Variants in PLEKHA8 observed in about 807,000 individuals in gnomAD.
The protein encoded by PLEKHA8 is pleckstrin homology domain-containing family A member 8.
Under a neutral mutation model 68.2 loss-of-function variants are expected in PLEKHA8, and 36 were observed. The observed-to-expected ratio is 0.53, with a 90% CI of 0.40 to 0.70. PLEKHA8 has a LOEUF of 0.70. Ranked by LOEUF, PLEKHA8 falls within the 30% of genes least tolerant of loss-of-function variation. PLEKHA8 has a pLI of 0.00. For synonymous variants in PLEKHA8, 211 were observed against 216.1 expected (o/e 0.98, Z 0.20); for missense variants, 505 against 615.4 (o/e 0.82, Z 1.90).
chr7:30,118,506 T>C (rs1289417646), intron 13 of PLEKHA8, among the ~76,000 whole-genome samples: 2 of 151,864 alleles, frequency 1.3e-5, no homozygotes, highest in South Asian at 2.1e-4. Context: ...CTGAAAGCCA[T>C]TGGGATCTTT....
At chr7:30,100,967 A>T (rs1481789620) in intron 13 of PLEKHA8, among the ~76,000 whole-genome samples, 1 of 152,194 alleles carries the variant, frequency 6.6e-6, no homozygotes, top group Non-Finnish European at 1.5e-5. Flanking sequence ...GGGTGGGCAG[A>T]TCACCTGAGG....
chr7:30,029,791 A>G (rs10951256), intron 1 of PLEKHA8, among the ~76,000 whole-genome samples: 20,440 of 152,138 alleles, frequency 0.13, 1,431 homozygotes, highest in Middle Eastern at 0.19. Context: ...GTAGTATGGT[A>G]ATGCGCCGGG....
At chr7:30,074,260 G>GTC (rs1373674410) in intron 13 of PLEKHA8, 128 bp downstream of exon 13, 360 of 672,146 alleles carry the variant, frequency 5.4e-4, no homozygotes, top group African/African-American at 3.8e-3. Context: ...GTGTGTGTGT[G>GTC]TGTGTGTGTG....
chr7:30,099,416 A>C (rs1046944370), intron 13 of PLEKHA8, among the ~76,000 whole-genome samples: 2 of 152,220 alleles, frequency 1.3e-5, no homozygotes, highest in Non-Finnish European at 2.9e-5. Flanking sequence ...CAGGTTCTCT[A>C]AGAAGTATAA....
intron 13 of PLEKHA8, among the ~76,000 whole-genome samples, chr7:30,075,538 T>C (rs1794556736): frequency 6.6e-6 from 1 of 152,202 alleles, no homozygotes; most frequent in African/African-American, 2.4e-5. Flanking sequence ...AGATCTGTTA[T>C]CTCCAAGGTG....
chr7:30,129,490 A>G, downstream of PLEKHA8: 2 of 687,954 alleles, frequency 2.9e-6, no homozygotes, highest in Non-Finnish European at 2.4e-6. Flanking sequence ...CAAGATTTTT[A>G]TTATCAGATG....
At chr7:30,110,723 A>C (rs75788136) in intron 13 of PLEKHA8, among the ~76,000 whole-genome samples, 2,882 of 152,264 alleles carry the variant, frequency 0.019, 42 homozygotes, top group East Asian at 0.041. Flanking sequence ...TTTTTAATAT[A>C]GCCATCCTAG....
At chr7:30,118,987 G>A (rs925102636) in intron 13 of PLEKHA8, among the ~76,000 whole-genome samples, 2 of 152,182 alleles carry the variant, frequency 1.3e-5, no homozygotes, top group African/African-American at 4.8e-5. Flanking sequence ...GCCCACTTAA[G>A]TCCCATGTCT....
chr7:30,123,060 T>C lies in PLEKHA8; in HGVS notation c.1363-6206T>C, dbSNP rs571313528. 5.9e-5 allele frequency among the ~76,000 whole-genome samples: 9 copies of C among 152,276 alleles called. No individual in the cohort carries two copies. In the South Asian group the frequency reaches 1.0e-3, roughly 18 times the overall value. ...AGCTAGCTTGAATGAGTTCCTGTTATTGACAACCAGAAGACCATTGACTAA... is the reference window on the plus strand; with the variant it reads ...AGCTAGCTTGAATGAGTTCCTGTTACTGACAACCAGAAGACCATTGACTAA... On this transcript the variant is annotated intron_variant, in intron 13 of 13. Transcript: ENST00000396257.
intron 1 of PLEKHA8, among the ~76,000 whole-genome samples, chr7:30,035,050 T>C (rs577383697): frequency 6.6e-6 from 1 of 152,328 alleles, no homozygotes; most frequent in East Asian, 1.9e-4. Context: ...TACAGCTTTT[T>C]TTTTTCACAT....
intron 13 of PLEKHA8, among the ~76,000 whole-genome samples, chr7:30,109,881 G>C (rs1426416174): frequency 6.6e-6 from 1 of 151,528 alleles, no homozygotes; most frequent in African/African-American, 2.4e-5. Flanking sequence ...CACCCAGGTT[G>C]GTCTCAAACT....
intron 1 of PLEKHA8, among the ~76,000 whole-genome samples, chr7:30,043,627 C>T (rs1791710140): frequency 6.6e-6 from 1 of 152,108 alleles, no homozygotes; most frequent in Admixed American, 6.5e-5. Context: ...AAAGCAGACC[C>T]TGATTAAGTA....
intron 1 of PLEKHA8, among the ~76,000 whole-genome samples, chr7:30,037,098 G>C (rs1048073789): frequency 6.6e-6 from 1 of 152,022 alleles, no homozygotes; most frequent in Non-Finnish European, 1.5e-5. Flanking sequence ...TGGAGGTCAG[G>C]GGTAGCAAAT....
At chr7:30,040,633 A>G (rs1444091553) in intron 1 of PLEKHA8, among the ~76,000 whole-genome samples, 4 of 152,234 alleles carry the variant, frequency 2.6e-5, no homozygotes, top group Admixed American at 1.3e-4. Flanking sequence ...GTTTTCATCA[A>G]TGGAAAAGTA....
At chr7:30,044,903 T>A (rs1001419910) in intron 1 of PLEKHA8, among the ~76,000 whole-genome samples, 182 bp from the exon 2 acceptor site, 4 of 152,244 alleles carry the variant, frequency 2.6e-5, no homozygotes, top group African/African-American at 7.2e-5. Context: ...ATTTTTAATT[T>A]TACAAAAATG....
chr7:30,052,517 T>C (rs1002611408), intron 6 of PLEKHA8, among the ~76,000 whole-genome samples, 192 bp from the exon 7 acceptor site: 1 of 151,904 alleles, frequency 6.6e-6, no homozygotes, highest in Non-Finnish European at 1.5e-5. Context: ...GCACCTGTAG[T>C]CCGAGCTACT....
chr7:30,093,985 G>A (rs1324689852), downstream of PLEKHA8, among the ~76,000 whole-genome samples: 1 of 152,222 alleles, frequency 6.6e-6, no homozygotes. Flanking sequence ...GATTAGCTGA[G>A]ATGACACATT....
At chr7:30,045,525 T>C (rs1041559347) in intron 2 of PLEKHA8, among the ~76,000 whole-genome samples, 1 of 152,172 alleles carries the variant, frequency 6.6e-6, no homozygotes, top group Non-Finnish European at 1.5e-5. Context: ...TCAAACACTT[T>C]TGTGTTTAAA....
At chr7:30,069,185 CCTAT>C (rs1363100913) in intron 12 of PLEKHA8, among the ~76,000 whole-genome samples, 7 of 152,182 alleles carry the variant, frequency 4.6e-5, no homozygotes, top group South Asian at 2.1e-4. Context: ...TTCCCCGGTG[CCTAT>C]CTGTTTCCCA....
Sources: gnomAD v4.1 joint callset for allele counts (sites outside exome capture counted in the v4.1 genomes callset) on GRCh38, gnomAD v4.1.1 for gene constraint, MANE v1.5 for transcripts, NCBI Gene and HGNC (gene_info 2026-07-23, HGNC 2026-07-21) for gene names.